PLEKHG7: variants seen among roughly 807,000 people sequenced by gnomAD.
The protein encoded by PLEKHG7 is pleckstrin homology and RhoGEF domain containing G7.
Under a neutral mutation model 85.2 loss-of-function variants are expected in PLEKHG7, and 77 were observed. The observed-to-expected ratio is 0.90, with a 90% CI of 0.75 to 1.09. The LOEUF is 1.09. Among genes scored for constraint, PLEKHG7 ranks in the 50% least tolerant of loss-of-function variants. The pLI is 0.00. For missense variants in PLEKHG7, 777 were observed against 804.3 expected (o/e 0.97, Z 0.41); for synonymous variants, 301 against 302.4 (o/e 1.00, Z 0.05).
chr12:92,722,874 A>G (rs1202321126), intron 3 of PLEKHG7, among the ~76,000 whole-genome samples: 3 of 152,220 alleles, frequency 2.0e-5, no homozygotes, highest in Admixed American at 6.5e-5. Flanking sequence ...TTCCATGCTA[A>G]CAGATTAGAT....
intron 11 of PLEKHG7, among the ~76,000 whole-genome samples, 195 bp from the exon 12 acceptor site, chr12:92,755,630 C>T (rs566260989): frequency 1.3e-5 from 2 of 152,300 alleles, no homozygotes; most frequent in South Asian, 4.1e-4. Flanking sequence ...TGATTTTTCT[C>T]TGCAAGAGAC....
At chr12:92,737,771 G>GGAAA (rs1254557258) in intron 7 of PLEKHG7, among the ~76,000 whole-genome samples, 77 of 150,930 alleles carry the variant, frequency 5.1e-4, no homozygotes, top group African/African-American at 1.8e-3. Flanking sequence ...AAGGAAGGAA[G>GGAAA]GGAAAGAGAG....
At chr12:92,708,798 G>A (rs1235931254) in intron 3 of PLEKHG7, among the ~76,000 whole-genome samples, 1 of 152,206 alleles carries the variant, frequency 6.6e-6, no homozygotes, top group East Asian at 1.9e-4. Flanking sequence ...ATTGACCAAA[G>A]CAAGTCACTC....
At chr12:92,713,670 A>G (rs534442150) in intron 3 of PLEKHG7, among the ~76,000 whole-genome samples, 149 of 152,282 alleles carry the variant, frequency 9.8e-4, no homozygotes, top group African/African-American at 3.5e-3. Flanking sequence ...TCAAGGGTGT[A>G]TCTTCTGACC....
At chr12:92,768,401 G>A (rs1410742732) in intron 15 of PLEKHG7, among the ~76,000 whole-genome samples, 1 of 152,242 alleles carries the variant, frequency 6.6e-6, no homozygotes, top group East Asian at 1.9e-4. Flanking sequence ...CAGAAACCAT[G>A]CCAATGTCTC....
chr12:92,764,185 C>T lies in PLEKHG7; in HGVS notation c.1861C>T (p.His621Tyr). The T allele has an allele frequency of 6.2e-7, 1 of 1,604,546 alleles. No homozygotes were observed. Among genetic ancestry groups the T allele is most frequent in the Non-Finnish European group, 8.5e-7 (1 of 1,175,066 alleles). The change falls in exon 15 of 17, where the codon CAT becomes TAT. Residue 621 changes from histidine to tyrosine, a missense_variant. His to Tyr is a moderately conservative substitution (Grantham distance 83, BLOSUM62 2). This residue lies in a region of PLEKHG7 where 520 missense variants were observed against 544.0 expected (regional missense o/e 0.96). Coordinates refer to ENST00000344636, the MANE Select transcript of PLEKHG7 (RefSeq NM_001377329.1). Reference protein sequence around the residue: ...RLVVKSIEPLHVSVFGLRNAF... With the variant: ...RLVVKSIEPLYVSVFGLRNAF... ...GGTAGTCAAAAGTATTGAACCACTC[C>T]ATGTGTCAGGTATGTGTCTATTTTC...
intron 13 of PLEKHG7, among the ~76,000 whole-genome samples, chr12:92,758,544 A>G (rs1162027982): frequency 6.6e-6 from 1 of 152,242 alleles, no homozygotes; most frequent in Non-Finnish European, 1.5e-5. Context: ...GAATTCATGC[A>G]TCGCATGGGT....
chr12:92,765,913 C>T (rs775801208), intron 15 of PLEKHG7, among the ~76,000 whole-genome samples: 19 of 152,220 alleles, frequency 1.2e-4, no homozygotes, highest in South Asian at 2.1e-4. Flanking sequence ...CCTCTGCCTC[C>T]TGTGTCCATT....
chr12:92,745,545 A>T lies in PLEKHG7; in HGVS notation c.1205A>T (p.Tyr402Phe). ...YCLNYSAAIF[Y>F]LESLRQRDDF... is the part of the protein sequence containing the mutation. ...CTGAACTATTCAGCTGCTATCTTTT[A>T]TCTTGAGAGCCTGAGGCAGAGAGAT... The change falls in exon 10 of 17, where the codon TAT (tyrosine) becomes TTT (phenylalanine). Residue 402 changes from tyrosine to phenylalanine, a missense_variant. Physicochemically the swap from Tyr to Phe is conservative, Grantham distance 22. Around this residue, in one of 3 missense-constraint regions of PLEKHG7, gnomAD observed 520 missense variants for 544.0 expected, o/e 0.96. Coordinates refer to ENST00000344636, the MANE Select transcript of PLEKHG7 (RefSeq NM_001377329.1). 2 of 1,614,016 alleles carry T rather than the reference A, an allele frequency of 1.2e-6. No individual in the cohort carries two copies. Among genetic ancestry groups the T allele is most frequent in the South Asian group, 2.2e-5 (2 of 91,078 alleles).
At chr12:92,705,689 C>T (rs1004900467) in intron 1 of PLEKHG7, among the ~76,000 whole-genome samples, 33 of 152,248 alleles carry the variant, frequency 2.2e-4, no homozygotes, top group Non-Finnish European at 4.4e-5. Flanking sequence ...CAAGCATCAA[C>T]TCTCATGCCA....
rs146429700 is a variant in PLEKHG7 at position 92,751,912 on chromosome 12, A to G, written c.1252-2178A>G. On this transcript the variant is annotated intron_variant, in intron 10 of 16. Coordinates refer to ENST00000344636, the MANE Select transcript of PLEKHG7 (RefSeq NM_001377329.1). ...TGCACCTGTGGTGTCAGCTATGTGA[A>G]AGGCTGAGGTGGGAGGACTGCTTGA... is the stretch of plus-strand genomic sequence containing the variant. Among the ~76,000 whole-genome samples the G allele has an allele frequency of 9.8e-3, 1,497 of 152,032 alleles. 25 individuals carry two copies. The highest frequency in any genetic ancestry group is 0.034 in the African/African-American group (1,411 of 41,474).
chr12:92,743,187 G>A (rs151000032), intron 9 of PLEKHG7, among the ~76,000 whole-genome samples: 163 of 152,244 alleles, frequency 1.1e-3, no homozygotes, highest in African/African-American at 3.6e-3. Context: ...CTGATGAAAT[G>A]GCCACTACCT....
Position 92,754,241 on chromosome 12 carries a change from A to G in PLEKHG7, c.1403A>G (p.Lys468Arg), listed in dbSNP as rs1380795092. 6.2e-7 allele frequency: 1 copy of G among 1,614,010 alleles called. No individual in the cohort carries two copies. Among genetic ancestry groups the G allele is most frequent in the Non-Finnish European group, 8.5e-7 (1 of 1,179,934 alleles). ...SAEKIMIYSIKEKVEKSIRDL... is the reference protein window; with the variant it reads ...SAEKIMIYSIREKVEKSIRDL... ...GAGAAAATCATGATCTACTCCATCA[A>G]GGAAAAGGTGGAAAAGTCCATCCGT... Residue 468 changes from lysine to arginine, a missense_variant, in exon 11 of 17, where the codon AAG (lysine) becomes AGG (arginine). By Grantham distance (26) the Lys-to-Arg change is conservative. This residue lies in a region of PLEKHG7 where 520 missense variants were observed against 544.0 expected (regional missense o/e 0.96). Coordinates refer to ENST00000344636, the MANE Select transcript of PLEKHG7 (RefSeq NM_001377329.1).
In PLEKHG7 at chr12:92,707,022, A is replaced by T; in HGVS notation, c.391A>T (p.Lys131Ter). 6.2e-7 allele frequency: 1 copy of T among 1,614,056 alleles called. No individual in the cohort carries two copies. The highest frequency in any genetic ancestry group is 1.1e-5 in the South Asian group (1 of 91,070). ...GGAGCCCCAAACCCGGCCCACTGAC[A>T]AGTATCTCCCTCCTGAGCTTCAGCC... ...SLEPQTRPTD[K>*]YLPPELQPVN... The change falls in exon 2 of 17, where the codon AAG becomes TAG. Residue 131 changes from lysine to a stop codon, truncating the protein, a stop_gained. Transcript: ENST00000344636. LOFTEE classifies it high-confidence loss of function.
At position 92,741,445 on chromosome 12, in the gene PLEKHG7, AC is replaced by A. The variant is rs776599621; in HGVS notation, c.1036-43del. ...AAGTTCAACAAATGTTTATTCCTTA[AC>A]CCTGGGTGTGTGCCTATTTTTGTTT... is the stretch of plus-strand genomic sequence containing the variant. On this transcript the variant is annotated intron_variant, in intron 8 of 16. Transcript: ENST00000344636. 9 of 1,277,474 alleles carry A rather than the reference AC, an allele frequency of 7.0e-6. 1 individual carries two copies. The South Asian group carries it at 1.2e-4, about 17-fold the overall frequency. 79.1% of individuals were successfully genotyped at this position (1,277,474 alleles called of 1,614,324 possible).
chr12:92,742,891 T>C (rs1353350549), intron 9 of PLEKHG7, among the ~76,000 whole-genome samples: 2 of 152,072 alleles, frequency 1.3e-5, no homozygotes, highest in Non-Finnish European at 2.9e-5. Context: ...TCTGGAGAAA[T>C]GTCAGCTTCT....
intron 4 of PLEKHG7, among the ~76,000 whole-genome samples, chr12:92,729,783 G>C (rs1002502217): frequency 6.6e-6 from 1 of 152,126 alleles, no homozygotes; most frequent in African/African-American, 2.4e-5. Flanking sequence ...TTTTACAAAA[G>C]AATCCTTGCT....
Position 92,761,632 on chromosome 12 carries a change from AAGAAAGAAAGAAAG to A in PLEKHG7, c.1637-118_1637-105del, listed in dbSNP as rs1377326862. 5 of 225,930 alleles carry A rather than the reference AAGAAAGAAAGAAAG, an allele frequency of 2.2e-5. No homozygotes were observed. In the African/African-American group the frequency reaches 3.3e-4, roughly 15 times the overall value. 14.0% of individuals were successfully genotyped at this position (225,930 alleles called of 1,614,324 possible). On this transcript the variant is annotated intron_variant, in intron 13 of 16. Transcript: ENST00000344636. ...AAAAGAAAGAAAGAAAGAAGAAAGAAAGAAAGAAAGAAAGAAAGAAAGAAAGAAAGAAAGAAAGA... is the reference window on the plus strand; with the variant it reads ...AAAAGAAAGAAAGAAAGAAGAAAGAAAAAGAAAGAAAGAAAGAAAGAAAGA...
In PLEKHG7 at chr12:92,754,118, G is replaced by C; in HGVS notation, c.1280G>C (p.Arg427Pro). The change falls in exon 11 of 17, where the codon CGG becomes CCG. Residue 427 changes from arginine (R) to proline (P), a missense_variant. By Grantham distance (103) the Arg-to-Pro change is moderately radical (BLOSUM62 -2). Coordinates refer to ENST00000344636, the MANE Select transcript of PLEKHG7 (RefSeq NM_001377329.1). ...KWCEQNEQCR[R>P]LHVPELLVAP... Reference sequence around the variant, plus strand: ...TGTGAGCAGAATGAACAATGCAGACGGCTCCACGTGCCAGAGCTGCTAGTG... The same window carrying C: ...TGTGAGCAGAATGAACAATGCAGACCGCTCCACGTGCCAGAGCTGCTAGTG... 6.2e-7 allele frequency: 1 copy of C among 1,613,872 alleles called. No individual in the cohort carries two copies. The highest frequency in any genetic ancestry group is 2.2e-5 in the East Asian group (1 of 44,846).
Sources: allele counts gnomAD v4.1 joint callset (sites outside exome capture counted in the v4.1 genomes callset), GRCh38; gene constraint gnomAD v4.1.1; regional missense constraint gnomAD v4.1.1; transcripts MANE v1.5; gene names NCBI Gene and HGNC (gene_info 2026-07-23, HGNC 2026-07-21).